Variants in GPR137C observed in about 807,000 individuals in gnomAD.
The protein encoded by GPR137C is G protein-coupled receptor 137C.
A neutral mutation model predicts 43.4 loss-of-function variants in GPR137C; 27 were observed. The observed-to-expected ratio is 0.62, with a 90% CI of 0.46 to 0.86. The LOEUF is 0.86. GPR137C is among the 40% of genes least tolerant of loss of function. The probability of loss-of-function intolerance (pLI) is 0.00; values close to 1 mark genes in which losing one functional copy is unlikely to be tolerated. For synonymous variants in GPR137C, 285 were observed against 226.9 expected, an observed-to-expected ratio of 1.26 and a Z score of -2.30; for missense variants, 522 against 534.6, an observed-to-expected ratio of 0.98 and a Z score of 0.23.
intron 1 of GPR137C, among the ~76,000 whole-genome samples, chr14:52,555,238 A>G (rs2038174937): frequency 1.3e-5 from 2 of 152,314 alleles, no homozygotes; most frequent in East Asian, 3.9e-4. Flanking sequence ...ACAAAATAAT[A>G]TGAATGATTC....
chr14:52,583,674 A>G (rs1452085379), intron 1 of GPR137C, among the ~76,000 whole-genome samples: 3 of 152,216 alleles, frequency 2.0e-5, no homozygotes, highest in Non-Finnish European at 4.4e-5. Flanking sequence ...TACTAATATT[A>G]TACCATCATC....
At chr14:52,569,981 A>G (rs545097092) in intron 1 of GPR137C, among the ~76,000 whole-genome samples, 43 of 152,216 alleles carry the variant, frequency 2.8e-4, no homozygotes, top group Non-Finnish European at 4.8e-4. Context: ...ATTCAAATTC[A>G]GGAAATGCAG....
chr14:52,561,507 T>G (rs1165907042), intron 1 of GPR137C, among the ~76,000 whole-genome samples: 1 of 152,176 alleles, frequency 6.6e-6, no homozygotes, highest in Non-Finnish European at 1.5e-5. Context: ...TGAAAGCATA[T>G]GTTCCTATAA....
At position 52,553,244 on chromosome 14, in the gene GPR137C, G is replaced by C. The variant is rs2038113156; in HGVS notation, c.97G>C (p.Val33Leu). ...CGGGGGCAGCGGAGGCGGAGGCGCC[G>C]TCGCTGCAGCCTCAGGCGCCGCGGT... is the stretch of plus-strand genomic sequence containing the variant. ...PGGGSGGGGA[V>L]AAASGAAVPG... The change falls in exon 1 of 7, where the codon GTC (valine) becomes CTC (leucine). Residue 33 changes from valine to leucine, a missense_variant. Physicochemically the swap from Val to Leu is conservative, Grantham distance 32. Coordinates refer to ENST00000321662, the MANE Select transcript of GPR137C (RefSeq NM_001099652.2). 2 of 1,306,474 alleles carry C rather than the reference G, an allele frequency of 1.5e-6. No homozygotes were observed. The highest frequency in any genetic ancestry group is 4.5e-5 in the South Asian group (2 of 44,862). 80.9% of individuals were successfully genotyped at this position (1,306,474 alleles called of 1,614,324 possible).
At chr14:52,613,136 A>T (rs1167344939) in intron 3 of GPR137C, 1 of 151,528 alleles carries the variant, frequency 6.6e-6, no homozygotes, top group Non-Finnish European at 1.5e-5. Context: ...GTCCCAGCTA[A>T]TCGGGAGGCT....
rs2039362500 is a variant in GPR137C at position 52,637,189 on chromosome 14, C to T, written c.*2074C>T. Reference sequence around the variant, plus strand: ...GTACCCAAATTCTTGCATTTGTCTCCTTATACACATCTAACATATCACCAA... The same window carrying T: ...GTACCCAAATTCTTGCATTTGTCTCTTTATACACATCTAACATATCACCAA... On this transcript the variant is annotated 3_prime_UTR_variant, in exon 7 of 7. Coordinates refer to ENST00000321662, the MANE Select transcript of GPR137C (RefSeq NM_001099652.2). The T allele has an allele frequency of 6.6e-6, 1 of 152,042 alleles. No homozygotes were observed. Among genetic ancestry groups the T allele is most frequent in the South Asian group, 2.1e-4 (1 of 4,828 alleles). 9.4% of individuals were successfully genotyped at this position (152,042 alleles called of 1,614,324 possible). A position where few individuals can be genotyped will look rare whatever the true frequency, so the allele number is the denominator to read the frequency against.
At chr14:52,570,592 C>A (rs2038450479) in intron 1 of GPR137C, among the ~76,000 whole-genome samples, 1 of 152,234 alleles carries the variant, frequency 6.6e-6, no homozygotes, top group African/African-American at 2.4e-5. Flanking sequence ...GTCCTATATT[C>A]AGGAGACCCG....
At chr14:52,586,040 C>T (rs1317717487) in intron 1 of GPR137C, among the ~76,000 whole-genome samples, 2 of 152,154 alleles carry the variant, frequency 1.3e-5, no homozygotes, top group Non-Finnish European at 2.9e-5. Context: ...GAAATAAAAA[C>T]AGAGACAGAG....
intron 3 of GPR137C, among the ~76,000 whole-genome samples, chr14:52,615,824 A>G (rs962754484): frequency 6.6e-6 from 1 of 152,124 alleles, no homozygotes; most frequent in African/African-American, 2.4e-5. Flanking sequence ...GTATCCTGCT[A>G]TTTTTTAATT....
At chr14:52,581,172 G>A (rs1020163037) in intron 1 of GPR137C, among the ~76,000 whole-genome samples, 1 of 148,422 alleles carries the variant, frequency 6.7e-6, no homozygotes, top group East Asian at 2.0e-4. Context: ...CTCCAGCCTC[G>A]GTGACAGAGT....
chr14:52,581,370 TAAA>T (rs142405317), intron 1 of GPR137C, among the ~76,000 whole-genome samples: 7 of 127,470 alleles, frequency 5.5e-5, no homozygotes, highest in Non-Finnish European at 3.3e-5. Context: ...CCTTCTCTAC[TAAA>T]AAAAAAAAAA....
intron 3 of GPR137C, among the ~76,000 whole-genome samples, chr14:52,608,541 A>C (rs1313523082): frequency 1.3e-5 from 2 of 152,140 alleles, no homozygotes; most frequent in African/African-American, 4.8e-5. Flanking sequence ...ATGCATCATG[A>C]TTATAATATT....
At chr14:52,628,079 TG>T (rs1226731784) in intron 3 of GPR137C, among the ~76,000 whole-genome samples, 10 of 152,098 alleles carry the variant, frequency 6.6e-5, no homozygotes, top group African/African-American at 2.4e-4. Flanking sequence ...ACCCTGAAAA[TG>T]AAAGGGATTC....
intron 3 of GPR137C, among the ~76,000 whole-genome samples, chr14:52,626,606 C>G (rs1473255635): frequency 6.6e-6 from 1 of 152,076 alleles, no homozygotes. Context: ...GATGTCAGCT[C>G]TCACCATTTT....
At chr14:52,581,671 A>G (rs1192491866) in intron 1 of GPR137C, among the ~76,000 whole-genome samples, 1 of 152,236 alleles carries the variant, frequency 6.6e-6, no homozygotes, top group East Asian at 1.9e-4. Flanking sequence ...TACTCTCTAT[A>G]GGAACTTAAG....
intron 1 of GPR137C, among the ~76,000 whole-genome samples, chr14:52,569,456 A>G (rs2038430239): frequency 6.6e-6 from 1 of 152,136 alleles, no homozygotes; most frequent in Non-Finnish European, 1.5e-5. Flanking sequence ...ACAAATTGAC[A>G]GAAGTAGGCT....
rs916743924 is a variant in GPR137C, at chr14:52,552,896, T to C, written c.-252T>C. On this transcript the variant is annotated 5_prime_UTR_variant, in exon 1 of 7. Coordinates refer to ENST00000321662, the MANE Select transcript of GPR137C (RefSeq NM_001099652.2). Reference sequence around the variant, plus strand: ...CAGCTGATTGTCTCCAGCCGAGAGTTGTTTTTTGCAGCTACGGAGCCGAGC... The same window carrying C: ...CAGCTGATTGTCTCCAGCCGAGAGTCGTTTTTTGCAGCTACGGAGCCGAGC... Among the ~76,000 whole-genome samples the C allele has an allele frequency of 9.9e-5, 15 of 151,318 alleles. No homozygotes were observed. Among genetic ancestry groups the C allele is most frequent in the Non-Finnish European group, 1.9e-4 (13 of 67,800 alleles).
At chr14:52,583,793 A>G (rs1357463095) in intron 1 of GPR137C, among the ~76,000 whole-genome samples, 1 of 152,168 alleles carries the variant, frequency 6.6e-6, no homozygotes, top group Non-Finnish European at 1.5e-5. Flanking sequence ...TTCCTGTGAT[A>G]TATGATCTTT....
At chr14:52,579,223 T>C (rs1170080749) in intron 1 of GPR137C, among the ~76,000 whole-genome samples, 3 of 152,204 alleles carry the variant, frequency 2.0e-5, no homozygotes, top group Non-Finnish European at 4.4e-5. Context: ...GTCATCTCCA[T>C]TCTCAGTGTG....
Sources: allele counts gnomAD v4.1 joint callset (sites outside exome capture counted in the v4.1 genomes callset), GRCh38; gene constraint gnomAD v4.1.1; transcripts MANE v1.5; gene names NCBI Gene and HGNC (gene_info 2026-07-23, HGNC 2026-07-21).